The following HRH1 variants were observed in gnomAD, a reference collection of about 807,000 sequenced individuals.
The protein encoded by HRH1 is histamine receptor H1.
In HRH1, 6 loss-of-function variants were observed where a neutral mutation model predicts 10.3. The ratio of observed to expected loss-of-function variants is 0.58; its 90% CI spans 0.32 to 1.15. HRH1 has a LOEUF of 1.15. Among genes scored for constraint, HRH1 ranks in the 50% most tolerant of loss-of-function variants. The probability of loss-of-function intolerance (pLI) is 0.05; values close to 1 mark genes in which losing one functional copy is unlikely to be tolerated. For synonymous variants in HRH1, 242 were observed against 236.7 expected, an observed-to-expected ratio of 1.02 and a Z score of -0.21; for missense variants, 514 against 615.3, an observed-to-expected ratio of 0.84 and a Z score of 1.74.
chr3:11,232,012 A>G (rs1281852459), intron 1 of HRH1, among the ~76,000 whole-genome samples: 1 of 135,256 alleles, frequency 7.4e-6, no homozygotes, highest in African/African-American at 2.8e-5. Flanking sequence ...TTTTTTTTTT[A>G]GACTGAGTCT....
At chr3:11,179,510 C>T (rs1275797360) in intron 1 of HRH1, among the ~76,000 whole-genome samples, 1 of 151,140 alleles carries the variant, frequency 6.6e-6, no homozygotes, top group East Asian at 2.0e-4. Context: ...GTCCCAGCTA[C>T]TCGGGAGGCT....
Position 11,213,889 on chromosome 3 carries a change from T to G in HRH1, c.-35-45114T>G, listed in dbSNP as rs181843404. On this transcript the variant is annotated intron_variant, in intron 1 of 1. Coordinates refer to ENST00000431010, the MANE Select transcript of HRH1 (RefSeq NM_001098212.2). Reference sequence around the variant, plus strand: ...GCAAAATAAGGTAGAATGTGCTAAATAAAATCGAAGGTGCTTCCAAAGGAC... The same window carrying G: ...GCAAAATAAGGTAGAATGTGCTAAAGAAAATCGAAGGTGCTTCCAAAGGAC... Among the ~76,000 whole-genome samples, 346 of 152,274 alleles carry G rather than the reference T, an allele frequency of 2.3e-3. 2 individuals carry two copies. The highest frequency in any genetic ancestry group is 7.3e-3 in the African/African-American group (304 of 41,566).
At chr3:11,176,394 CT>C (rs1229511939) in intron 1 of HRH1, among the ~76,000 whole-genome samples, 1 of 152,154 alleles carries the variant, frequency 6.6e-6, no homozygotes, top group Non-Finnish European at 1.5e-5. Flanking sequence ...AAAACTCCCC[CT>C]CCCACTATTT....
At chr3:11,145,049 C>T (rs1294648133) in intron 1 of HRH1, among the ~76,000 whole-genome samples, 1 of 152,100 alleles carries the variant, frequency 6.6e-6, no homozygotes, top group Non-Finnish European at 1.5e-5. Flanking sequence ...AAGCTCTTCT[C>T]CCAGCCCCAA....
At chr3:11,236,116 C>T (rs969284799) in intron 1 of HRH1, among the ~76,000 whole-genome samples, 4 of 152,192 alleles carry the variant, frequency 2.6e-5, no homozygotes, top group African/African-American at 9.7e-5. Context: ...GAGAAAGTAC[C>T]TCTACTCAAT....
Position 11,219,097 on chromosome 3 carries a change from G to C in HRH1, c.-35-39906G>C, listed in dbSNP as rs554182196. Among the ~76,000 whole-genome samples the C allele has an allele frequency of 4.4e-3, 662 of 150,990 alleles. 2 individuals carry two copies. Among genetic ancestry groups the C allele is most frequent in the African/African-American group, 0.015 (632 of 41,084 alleles). On this transcript the variant is annotated intron_variant, in intron 1 of 1. Coordinates refer to ENST00000431010, the MANE Select transcript of HRH1 (RefSeq NM_001098212.2). ...GTAGAGACAGGGTTTCACTATGTTG[G>C]CCAGGCTGGTCTTGAACTCCTGACC...
intron 1 of HRH1, among the ~76,000 whole-genome samples, chr3:11,178,886 A>G (rs1169630766): frequency 6.6e-6 from 1 of 152,160 alleles, no homozygotes; most frequent in African/African-American, 2.4e-5. Flanking sequence ...TCTCCCTTGT[A>G]ACTGTGAGTT....
chr3:11,141,103 C>T (rs757394183), intron 1 of HRH1, among the ~76,000 whole-genome samples: 1 of 152,076 alleles, frequency 6.6e-6, no homozygotes, highest in Non-Finnish European at 1.5e-5. Context: ...CCATATTTTG[C>T]CTAGAGTCAT....
In HRH1 at chr3:11,183,897, A is replaced by G. The variant is rs376758744; in HGVS notation, c.-36+29343A>G. On this transcript the variant is annotated intron_variant, in intron 1 of 1. Transcript: ENST00000431010. Reference sequence around the variant, plus strand: ...TTTTTTTTAAAGCACTGGCCATCTTATTCCCATGGCAGGTCCTTGCTGCTC... The same window carrying G: ...TTTTTTTTAAAGCACTGGCCATCTTGTTCCCATGGCAGGTCCTTGCTGCTC... Among the ~76,000 whole-genome samples, 72 of 96,328 alleles carry G rather than the reference A, an allele frequency of 7.5e-4. 2 individuals are homozygous for G. The South Asian group carries it at 0.021, about 28-fold the overall frequency. The allele number at this position is 96,328 out of a possible 152,430, so 63.2% of individuals were successfully genotyped here.
In HRH1 at chr3:11,259,877, C is replaced by T; in HGVS notation, c.840C>T (p.Pro280=). The change falls in exon 2 of 2, where the codon CCC becomes CCT. Residue 280 remains proline (P), a synonymous_variant. Coordinates refer to ENST00000431010, the MANE Select transcript of HRH1 (RefSeq NM_001098212.2). The surrounding 1 kb of genome is among the most constrained non-coding windows in gnomAD (Gnocchi z 4.6). ...TCTTGAAGTCACCATCCCAAACCCCCAAGGAGATGAAATCCCCAGTTGTCT... is the reference window on the plus strand; with the variant it reads ...TCTTGAAGTCACCATCCCAAACCCCTAAGGAGATGAAATCCCCAGTTGTCT... The part of the protein sequence containing the change: ...GSVLKSPSQT[P]KEMKSPVVFS... 6.2e-7 allele frequency: 1 copy of T among 1,614,100 alleles called. No homozygotes were observed. The highest frequency in any genetic ancestry group is 8.5e-7 in the Non-Finnish European group (1 of 1,180,020).
intron 1 of HRH1, among the ~76,000 whole-genome samples, chr3:11,233,201 C>G (rs1939089258): frequency 1.3e-5 from 2 of 152,214 alleles, no homozygotes; most frequent in African/African-American, 4.8e-5. Flanking sequence ...TTGCCACCCT[C>G]TTTCTCATCT....
chr3:11,196,788 A>T (rs753354208), intron 1 of HRH1, among the ~76,000 whole-genome samples: 1 of 152,046 alleles, frequency 6.6e-6, no homozygotes, highest in Non-Finnish European at 1.5e-5. Flanking sequence ...GACTAGCAGC[A>T]TCAGGATCAC....
chr3:11,193,466 C>T (rs548172890), intron 1 of HRH1, among the ~76,000 whole-genome samples: 1 of 152,206 alleles, frequency 6.6e-6, no homozygotes, highest in South Asian at 2.1e-4. Context: ...TTATTTCTCA[C>T]AGTTCTGGAG....
At chr3:11,153,386 A>C (rs915540608), upstream of HRH1, among the ~76,000 whole-genome samples, 7 of 152,126 alleles carry the variant, frequency 4.6e-5, no homozygotes, top group African/African-American at 1.4e-4. Context: ...CCATGGACCT[A>C]CCATACACAG....
chr3:11,204,267 A>G (rs903183364), intron 1 of HRH1, among the ~76,000 whole-genome samples: 3 of 152,198 alleles, frequency 2.0e-5, no homozygotes, highest in African/African-American at 2.4e-5. Flanking sequence ...CTCTGCACTC[A>G]TGGAGCTTAC....
chr3:11,145,071 G>A lies in HRH1; in HGVS notation c.-36+7672G>A, dbSNP rs377016913. Among the ~76,000 whole-genome samples, 16 of 152,086 alleles carry A rather than the reference G, an allele frequency of 1.1e-4. No homozygotes were observed. The East Asian group carries it at 1.7e-3, about 17-fold the overall frequency. ...TCTCCCAGCCCCAATCCCCATGGCCGCTGCGCTAGTTCAGGCCCCATACCC... is the reference window on the plus strand; with the variant it reads ...TCTCCCAGCCCCAATCCCCATGGCCACTGCGCTAGTTCAGGCCCCATACCC... On this transcript the variant is annotated intron_variant, in intron 1 of 1. Coordinates refer to the HRH1 transcript ENST00000438284.
chr3:11,170,555 A>G (rs565266195), intron 1 of HRH1, among the ~76,000 whole-genome samples: 1 of 152,380 alleles, frequency 6.6e-6, no homozygotes, highest in South Asian at 2.1e-4. Context: ...GGAGCCCACT[A>G]TGATCCTATT....
intron 1 of HRH1, among the ~76,000 whole-genome samples, chr3:11,181,216 T>C (rs1406243574): frequency 4.6e-5 from 7 of 152,110 alleles, no homozygotes; most frequent in Non-Finnish European, 8.8e-5. Context: ...TCCCGGGAGG[T>C]TGAGGCTGCT....
At chr3:11,252,031 G>C (rs1379995710) in intron 1 of HRH1, among the ~76,000 whole-genome samples, 1 of 152,224 alleles carries the variant, frequency 6.6e-6, no homozygotes, top group African/African-American at 2.4e-5. Context: ...TGGAATGGCT[G>C]CTTAGGGAGG....
Sources: gnomAD v4.1 joint callset for allele counts (sites outside exome capture counted in the v4.1 genomes callset) on GRCh38, gnomAD v4.1.1 for gene constraint, Gnocchi (gnomAD v3.1) non-coding constraint, MANE v1.5 for transcripts, NCBI Gene and HGNC (gene_info 2026-07-23, HGNC 2026-07-21) for gene names.